The following CSMD1 variants were observed in gnomAD, a reference collection of about 807,000 sequenced individuals.
The protein encoded by CSMD1 is CUB and sushi domain-containing protein 1.
A neutral mutation model predicts 417.5 loss-of-function variants in CSMD1; 213 were observed. The ratio of observed to expected loss-of-function variants is 0.51; its 90% confidence interval spans 0.46 to 0.57. The LOEUF is 0.57. Ranked by LOEUF, CSMD1 falls within the 20% of genes least tolerant of loss-of-function variation. CSMD1 has a pLI of 0.00. For synonymous variants in CSMD1, 2,862 were observed against 1,736.8 expected (o/e 1.65, Z -16.11); for missense variants, 6,923 against 4,529.7 (o/e 1.53, Z -15.17).
chr8:3,786,418 C>G (rs577936554), intron 5 of CSMD1, among the ~76,000 whole-genome samples: 1 of 152,000 alleles, frequency 6.6e-6, no homozygotes, highest in African/African-American at 2.4e-5. Flanking sequence ...GTTTGGGGGA[C>G]CACAAAAGTA....
chr8:3,753,010 G>C (rs981252313), intron 6 of CSMD1, among the ~76,000 whole-genome samples: 5 of 152,162 alleles, frequency 3.3e-5, no homozygotes, highest in African/African-American at 9.7e-5. Flanking sequence ...ACTTTCATGG[G>C]AGGTATTTAC....
chr8:3,804,650 A>C (rs117134639), intron 5 of CSMD1, among the ~76,000 whole-genome samples: 3 of 152,216 alleles, frequency 2.0e-5, no homozygotes, highest in African/African-American at 7.2e-5. Flanking sequence ...CACATAATTC[A>C]AAATAGAAGT....
intron 3 of CSMD1, among the ~76,000 whole-genome samples, chr8:4,190,620 G>C (rs1469285694): frequency 2.0e-5 from 3 of 151,616 alleles, no homozygotes; most frequent in Non-Finnish European, 2.9e-5. Context: ...AGCTCAAAGG[G>C]GTTAAAGAAT....
intron 3 of CSMD1, among the ~76,000 whole-genome samples, chr8:4,332,690 A>G (rs1799942129): frequency 6.6e-6 from 1 of 151,942 alleles, no homozygotes; most frequent in Non-Finnish European, 1.5e-5. Flanking sequence ...CTGGGGGAAT[A>G]TTAAATTACA....
At position 4,013,554 on chromosome 8, in the gene CSMD1, T is replaced by C. The variant is rs532455159; in HGVS notation, c.611-15444A>G. On this transcript the variant is annotated intron_variant, in intron 4 of 69. Coordinates refer to ENST00000635120, the MANE Select transcript of CSMD1 (RefSeq NM_033225.6). Reference sequence around the variant, plus strand: ...TAGCTCTTAATTACATGTCAGCTTCTCAGTGAGAACACTTACAAACACTTA... The same window carrying C: ...TAGCTCTTAATTACATGTCAGCTTCCCAGTGAGAACACTTACAAACACTTA... Among the ~76,000 whole-genome samples, 44 of 152,326 alleles carry C rather than the reference T, an allele frequency of 2.9e-4. 1 individual carries two copies. In the Middle Eastern group the frequency reaches 0.014, roughly 47 times the overall value.
intron 3 of CSMD1, among the ~76,000 whole-genome samples, chr8:4,097,743 C>T (rs930642453): frequency 6.6e-6 from 1 of 152,188 alleles, no homozygotes; most frequent in Admixed American, 6.5e-5. Context: ...AAAACAAATT[C>T]AGTGTAGTTG....
chr8:3,400,693 G>C (rs910240093), intron 15 of CSMD1, among the ~76,000 whole-genome samples: 7 of 151,840 alleles, frequency 4.6e-5, no homozygotes, highest in African/African-American at 2.4e-5. Context: ...TTGTCCATCT[G>C]TTATAAATGT....
At position 4,791,401 on chromosome 8, in the gene CSMD1, A is replaced by T. The variant is rs1221835567; in HGVS notation, c.86-153843T>A. The stretch of plus-strand genomic sequence containing the variant: ...TCCAATTCAGCCCTTTGACTCCCTG[A>T]AAGTTTATGTGTTGTGGGTGGGACC... On this transcript the variant is annotated intron_variant, in intron 1 of 69. Transcript: ENST00000635120. Among the ~76,000 whole-genome samples the T allele has an allele frequency of 3.9e-5, 6 of 152,152 alleles. No homozygotes were observed. In the South Asian group the frequency reaches 1.2e-3, roughly 32 times the overall value.
intron 1 of CSMD1, among the ~76,000 whole-genome samples, chr8:4,801,676 T>G (rs112060979): frequency 6.6e-6 from 1 of 152,036 alleles, no homozygotes; most frequent in African/African-American, 2.4e-5. Flanking sequence ...TGTCCAATAA[T>G]GGAGCCCTGT....
chr8:3,510,054 A>G (rs1796998609), intron 10 of CSMD1, among the ~76,000 whole-genome samples: 1 of 152,190 alleles, frequency 6.6e-6, no homozygotes, highest in African/African-American at 2.4e-5. Context: ...TCAGTGAAAC[A>G]CCGGTAAGGA....
rs35680832 is a variant in CSMD1 at position 4,724,510 on chromosome 8, T to TTATA, written c.86-86956_86-86953dup. 5.4e-4 allele frequency among the ~76,000 whole-genome samples: 78 copies of TTATA among 144,984 alleles called. 1 individual carries two copies. The highest frequency in any genetic ancestry group is 1.5e-3 in the South Asian group (7 of 4,626). On this transcript the variant is annotated intron_variant, in intron 1 of 69. Transcript: ENST00000635120. ...TTATAAGTACTAATATAGTAGCTCT[T>TTATA]TATATATATATGTGTGTGTGTGTGT...
At chr8:3,430,598 G>T (rs531835974) in intron 12 of CSMD1, among the ~76,000 whole-genome samples, 1 of 152,112 alleles carries the variant, frequency 6.6e-6, no homozygotes, top group Non-Finnish European at 1.5e-5. Flanking sequence ...TTTGAGGTCA[G>T]GAGTTTGAGA....
intron 14 of CSMD1, among the ~76,000 whole-genome samples, chr8:3,407,328 C>A (rs1563355813): frequency 6.7e-6 from 1 of 149,416 alleles, no homozygotes; most frequent in African/African-American, 2.5e-5. Context: ...AATGGATGGA[C>A]ACATGGATGA....
intron 1 of CSMD1, among the ~76,000 whole-genome samples, chr8:4,675,446 G>T (rs549108968): frequency 1.3e-5 from 2 of 152,228 alleles, no homozygotes; most frequent in African/African-American, 4.8e-5. Flanking sequence ...TGAGCCTCAG[G>T]ATTGTAAGAA....
intron 5 of CSMD1, among the ~76,000 whole-genome samples, chr8:3,893,206 G>C (rs1008419063): frequency 3.3e-5 from 5 of 151,244 alleles, no homozygotes; most frequent in African/African-American, 1.2e-4. Flanking sequence ...CAGAAATAAA[G>C]TGACTAGAAA....
chr8:3,966,075 G>A (rs895142186), intron 5 of CSMD1, among the ~76,000 whole-genome samples: 1 of 152,176 alleles, frequency 6.6e-6, no homozygotes, highest in South Asian at 2.1e-4. Context: ...AATAACGAAT[G>A]TCCAGGAGTA....
chr8:2,975,148 G>A (rs1804810447), intron 55 of CSMD1, among the ~76,000 whole-genome samples: 4 of 152,098 alleles, frequency 2.6e-5, no homozygotes, highest in South Asian at 4.1e-4. Flanking sequence ...ATATGTATAA[G>A]TAAAATAATA....
In CSMD1 at chr8:4,004,225, C is replaced by CT. The variant is rs142920449; in HGVS notation, c.611-6116dup. 5.3e-3 allele frequency among the ~76,000 whole-genome samples: 812 copies of CT among 152,088 alleles called. 6 individuals carry two copies. The highest frequency in any genetic ancestry group is 0.018 in the African/African-American group (761 of 41,520). On this transcript the variant is annotated intron_variant, in intron 4 of 69. Transcript: ENST00000635120. ...TGAGGGATTTAAAAACTCCTTCAAT[C>CT]TTTTGTCAAGAAATAGTTTAACATC...
chr8:3,851,011 T>C (rs1803869101), intron 5 of CSMD1, among the ~76,000 whole-genome samples: 1 of 152,236 alleles, frequency 6.6e-6, no homozygotes, highest in African/African-American at 2.4e-5. Flanking sequence ...AATATCTATG[T>C]GTTTTTCCTG....
Sources: allele counts gnomAD v4.1 joint callset (sites outside exome capture counted in the v4.1 genomes callset), GRCh38; gene constraint gnomAD v4.1.1; transcripts MANE v1.5; gene names NCBI Gene and HGNC (gene_info 2026-07-23, HGNC 2026-07-21).